ANO2: variants seen among roughly 807,000 people sequenced by gnomAD.
The protein encoded by ANO2 is anoctamin 2, also known as anoctamin-2.
In ANO2, 101 loss-of-function variants were observed where a neutral mutation model predicts 124.2. That is an observed-to-expected ratio of 0.81 (90% CI 0.69 to 0.96). The LOEUF (loss-of-function observed/expected upper bound fraction) is 0.96. Ranked by LOEUF, ANO2 falls within the 40% of genes least tolerant of loss-of-function variation. ANO2 has a pLI of 0.00. For missense variants in ANO2, 1,293 were observed against 1,274.5 expected (o/e 1.01, Z -0.22); for synonymous variants, 486 against 482.5 (o/e 1.01, Z -0.09).
At chr12:5,742,129 C>A (rs562333606) in intron 12 of ANO2, among the ~76,000 whole-genome samples, 1 of 152,148 alleles carries the variant, frequency 6.6e-6, no homozygotes, top group Non-Finnish European at 1.5e-5. Context: ...GACTCCACAC[C>A]GCCCCTTCCG....
intron 20 of ANO2, among the ~76,000 whole-genome samples, chr12:5,588,362 C>T (rs1301761684): frequency 2.6e-5 from 4 of 152,254 alleles, no homozygotes; most frequent in African/African-American, 9.6e-5. Flanking sequence ...AGCCTCACTT[C>T]ATTCCATCCT....
intron 14 of ANO2, 61 bp downstream of exon 14, chr12:5,732,459 A>G: frequency 6.8e-7 from 1 of 1,475,378 alleles, no homozygotes; most frequent in Non-Finnish European, 9.3e-7. Flanking sequence ...CGTGCCAAAC[A>G]AAATGACAAC....
At chr12:5,585,515 G>A (rs557404843) in intron 20 of ANO2, among the ~76,000 whole-genome samples, 6 of 152,224 alleles carry the variant, frequency 3.9e-5, no homozygotes, top group East Asian at 1.9e-4. Context: ...TCTTTCTCCC[G>A]TCCCACATCA....
intron 3 of ANO2, among the ~76,000 whole-genome samples, chr12:5,907,770 T>G (rs934793128): frequency 6.6e-6 from 1 of 152,132 alleles, no homozygotes. Context: ...GATAAGAAAA[T>G]AGACCCGGCA....
At chr12:5,575,417 A>AGTC (rs369792825) in intron 23 of ANO2, among the ~76,000 whole-genome samples, 1 of 152,192 alleles carries the variant, frequency 6.6e-6, no homozygotes, top group African/African-American at 2.4e-5. Flanking sequence ...AATGATGTAC[A>AGTC]GTCGTGTGTT....
intron 3 of ANO2, among the ~76,000 whole-genome samples, chr12:5,903,674 T>TGTGTGTGG (rs1031011707): frequency 2.0e-5 from 3 of 151,714 alleles, no homozygotes; most frequent in Non-Finnish European, 4.4e-5. Context: ...TGTGTGTGTG[T>TGTGTGTGG]GTGGGTGTAG....
intron 10 of ANO2, among the ~76,000 whole-genome samples, chr12:5,766,762 G>A (rs1337405598): frequency 3.9e-5 from 6 of 152,198 alleles, no homozygotes; most frequent in Non-Finnish European, 8.8e-5. Flanking sequence ...CATCTTGTTT[G>A]TCCCTCTGCT....
intron 10 of ANO2, among the ~76,000 whole-genome samples, chr12:5,751,779 T>C (rs1167135758): frequency 6.6e-6 from 1 of 152,238 alleles, no homozygotes; most frequent in Non-Finnish European, 1.5e-5. Flanking sequence ...AAGTATACAA[T>C]ACAGTATCAT....
chr12:5,886,283 A>G (rs1044594088), intron 3 of ANO2, among the ~76,000 whole-genome samples: 1 of 152,230 alleles, frequency 6.6e-6, no homozygotes, highest in African/African-American at 2.4e-5. Context: ...CACACAATGG[A>G]ATACTATTCA....
At chr12:5,708,601 T>A (rs1043349596) in intron 14 of ANO2, among the ~76,000 whole-genome samples, 25 of 152,306 alleles carry the variant, frequency 1.6e-4, no homozygotes, top group African/African-American at 6.0e-4. Context: ...CAAGCCAGGC[T>A]CTACCACCTA....
At chr12:5,701,264 T>G (rs1949396268) in intron 14 of ANO2, among the ~76,000 whole-genome samples, 1 of 152,154 alleles carries the variant, frequency 6.6e-6, no homozygotes, top group South Asian at 2.1e-4. Flanking sequence ...TATTGACTCT[T>G]CTTGACATTA....
intron 20 of ANO2, among the ~76,000 whole-genome samples, chr12:5,589,837 A>C (rs562719503): frequency 2.0e-5 from 3 of 152,056 alleles, no homozygotes; most frequent in Non-Finnish European, 4.4e-5. Context: ...CGGAGGATTC[A>C]CTTTCCTGGA....
At chr12:5,833,596 G>A (rs1404800458) in intron 4 of ANO2, among the ~76,000 whole-genome samples, 1 of 152,186 alleles carries the variant, frequency 6.6e-6, no homozygotes, top group East Asian at 1.9e-4. Flanking sequence ...GGCCTGTTAG[G>A]AACTGGACCA....
intron 7 of ANO2, among the ~76,000 whole-genome samples, chr12:5,812,134 G>A (rs1224735163): frequency 1.4e-5 from 2 of 146,770 alleles, no homozygotes; most frequent in Non-Finnish European, 3.0e-5. Flanking sequence ...AGGGAAAATA[G>A]TGCAGGGCAG....
At position 5,737,598 on chromosome 12, in the gene ANO2, ATCT is replaced by A. The variant is rs756767350; in HGVS notation, c.1434+1716_1434+1718del. On this transcript the variant is annotated intron_variant, in intron 13 of 24. Coordinates refer to ENST00000682330, the MANE Select transcript of ANO2 (RefSeq NM_001364791.2). Reference sequence around the variant, plus strand: ...CACACAGGCTTGGAGGCCAAAATGCATCTTCTTCTCTTTTTTGGAAACATTCTA... The same window carrying A: ...CACACAGGCTTGGAGGCCAAAATGCATCTTCTCTTTTTTGGAAACATTCTA... 6.3e-4 allele frequency among the ~76,000 whole-genome samples: 96 copies of A among 152,092 alleles called. 2 individuals carry two copies. Among genetic ancestry groups the A allele is most frequent in the Non-Finnish European group, 1.2e-4 (8 of 68,012 alleles).
chr12:5,622,831 G>T (rs939676743), intron 16 of ANO2, among the ~76,000 whole-genome samples: 1 of 152,072 alleles, frequency 6.6e-6, no homozygotes, highest in African/African-American at 2.4e-5. Flanking sequence ...GGGCGTGGTG[G>T]TATGCAGCTA....
At chr12:5,944,694 T>C (rs1163015329) in intron 1 of ANO2, among the ~76,000 whole-genome samples, 1 of 152,068 alleles carries the variant, frequency 6.6e-6, no homozygotes, top group African/African-American at 2.4e-5. Flanking sequence ...CTGAATGCGG[T>C]TTTGGGTAAG....
chr12:5,842,591 T>G (rs937910307), intron 4 of ANO2, among the ~76,000 whole-genome samples: 2 of 152,222 alleles, frequency 1.3e-5, no homozygotes, highest in Admixed American at 6.5e-5. Context: ...CTGGTGTGCA[T>G]GACTCACTCT....
chr12:5,610,626 T>C (rs1388160509), intron 19 of ANO2, among the ~76,000 whole-genome samples: 1 of 143,574 alleles, frequency 7.0e-6, no homozygotes, highest in Admixed American at 7.2e-5. Flanking sequence ...TATATATTTA[T>C]ATATATGTAT....
Sources: gnomAD v4.1 joint callset for allele counts (sites outside exome capture counted in the v4.1 genomes callset) on GRCh38, gnomAD v4.1.1 for gene constraint, MANE v1.5 for transcripts, NCBI Gene and HGNC (gene_info 2026-07-23, HGNC 2026-07-21) for gene names.